Variants in TMEM128 observed in about 807,000 individuals in gnomAD.
The protein encoded by TMEM128 is transmembrane protein 128.
TMEM128 carries 16 observed loss-of-function variants against 19.7 expected under a neutral mutation model. The observed-to-expected ratio is 0.81, with a 90% CI of 0.55 to 1.23. The LOEUF (loss-of-function observed/expected upper bound fraction) is 1.23. Among genes scored for constraint, TMEM128 ranks in the 50% most tolerant of loss-of-function variants. TMEM128 has a pLI of 0.00. For synonymous variants in TMEM128, 98 were observed against 75.8 expected, an observed-to-expected ratio of 1.29 and a Z score of -1.52; for missense variants, 237 against 200.8, an observed-to-expected ratio of 1.18 and a Z score of -1.09.
intron 2 of TMEM128, among the ~76,000 whole-genome samples, chr4:4,242,788 G>A (rs1175031285): frequency 1.3e-5 from 2 of 152,034 alleles, no homozygotes; most frequent in East Asian, 1.9e-4. Context: ...CAAAGTGCTC[G>A]GATTACAGGC....
At chr4:4,238,090 G>A (rs1488287160) in intron 3 of TMEM128, among the ~76,000 whole-genome samples, 155 bp from the exon 4 acceptor site, 2 of 152,226 alleles carry the variant, frequency 1.3e-5, no homozygotes, top group Admixed American at 6.5e-5. Context: ...CTTAGCCAAT[G>A]CTGGAAAGGA....
chr4:4,243,223 G>A (rs1412068246), intron 2 of TMEM128, among the ~76,000 whole-genome samples: 1 of 152,132 alleles, frequency 6.6e-6, no homozygotes, highest in Non-Finnish European at 1.5e-5. Flanking sequence ...GGGACTACAG[G>A]CGCCCGCCAC....
intron 1 of TMEM128, chr4:4,247,851 T>TA: frequency 7.0e-7 from 1 of 1,430,978 alleles, no homozygotes; most frequent in Non-Finnish European, 9.1e-7. Context: ...CCTTAAGACT[T>TA]AAAACTGGTG....
chr4:4,247,401 AG>A (rs1490492667), intron 1 of TMEM128, among the ~76,000 whole-genome samples: 1 of 152,174 alleles, frequency 6.6e-6, no homozygotes, highest in African/African-American at 2.4e-5. Context: ...CCTGGGCATG[AG>A]GTTATTCGTG....
At chr4:4,247,296 C>T (rs575336359) in intron 1 of TMEM128, among the ~76,000 whole-genome samples, 2 of 152,302 alleles carry the variant, frequency 1.3e-5, no homozygotes, top group African/African-American at 4.8e-5. Flanking sequence ...CAATGGTCCA[C>T]ATCTGAGGTT....
Position 4,240,430 on chromosome 4 carries a change from A to C in TMEM128, c.289T>G (p.Phe97Val). The C allele has an allele frequency of 1.2e-6, 2 of 1,613,958 alleles. No individual in the cohort carries two copies. The highest frequency in any genetic ancestry group is 1.7e-6 in the Non-Finnish European group (2 of 1,179,854). ...ALLLVSLSIA[F>V]YCIVYLEWYC... The stretch of plus-strand genomic sequence containing the variant: ...CATTCCAGGTAGACTATGCAGTAAA[A>C]TGCAATTGATAAACTGACAAGCAAC... Residue 97 changes from phenylalanine (F) to valine (V), a missense_variant, in exon 3 of 5, where the codon TTT becomes GTT. Physicochemically the swap from Phe to Val is conservative, Grantham distance 50. Transcript: ENST00000382753.
Position 4,247,939 on chromosome 4 carries a change from T to G in TMEM128, c.97+167A>C, listed in dbSNP as rs538960352. On this transcript the variant is annotated intron_variant, in intron 1 of 4. Transcript: ENST00000382753. ...AGAGAATTCTGAAGCGCAGCTGAAA[T>G]GACGATGCACAGCACTCCGCGATTC... 3.5e-6 allele frequency: 5 copies of G among 1,431,230 alleles called. No individual in the cohort carries two copies. In the South Asian group the frequency reaches 4.5e-5, roughly 13 times the overall value. The allele number at this position is 1,431,230 out of a possible 1,614,324, so 88.7% of individuals were successfully genotyped here.
intron 2 of TMEM128, among the ~76,000 whole-genome samples, chr4:4,244,903 G>A (rs554004587): frequency 6.6e-6 from 1 of 152,154 alleles, no homozygotes; most frequent in Admixed American, 6.5e-5. Flanking sequence ...GGAGTGTTTA[G>A]GGAAAGTTTC....
chr4:4,241,961 G>A (rs1328426429), intron 2 of TMEM128, among the ~76,000 whole-genome samples: 1 of 152,152 alleles, frequency 6.6e-6, no homozygotes, highest in Non-Finnish European at 1.5e-5. Context: ...GGAGTGCAGT[G>A]CTGCAATCTC....
chr4:4,240,207 A>G lies in TMEM128; in HGVS notation c.398+114T>C, dbSNP rs911234900. ...ACCAGAGAGCATGAATGACCAGGAG[A>G]CTATTTTTCTGTTTTAACTTTTTTT... On this transcript the variant is annotated intron_variant, in intron 3 of 4. Transcript: ENST00000382753. The G allele has an allele frequency of 4.0e-5, 39 of 972,574 alleles. No individual in the cohort carries two copies. The African/African-American group carries it at 6.1e-4, about 15-fold the overall frequency. The allele number at this position is 972,574 out of a possible 1,614,324, so 60.2% of individuals were successfully genotyped here.
At chr4:4,241,683 G>C (rs1216792277) in intron 2 of TMEM128, among the ~76,000 whole-genome samples, 1 of 152,188 alleles carries the variant, frequency 6.6e-6, no homozygotes, top group Non-Finnish European at 1.5e-5. Flanking sequence ...AAGGGGTTAA[G>C]AGCACAGCCT....
At chr4:4,244,314 A>C (rs1718083234) in intron 2 of TMEM128, among the ~76,000 whole-genome samples, 1 of 152,022 alleles carries the variant, frequency 6.6e-6, no homozygotes, top group African/African-American at 2.4e-5. Flanking sequence ...CGTCTCTACA[A>C]AAAATAAACC....
At chr4:4,238,748 A>G (rs1484120331) in intron 3 of TMEM128, among the ~76,000 whole-genome samples, 3 of 152,214 alleles carry the variant, frequency 2.0e-5, no homozygotes, top group Admixed American at 1.3e-4. Context: ...TAAAAATTCA[A>G]TTAGGCCGGG....
Position 4,236,022 on chromosome 4 carries a change from A to C in TMEM128, c.*244T>G, listed in dbSNP as rs1252783882. Reference sequence around the variant, plus strand: ...TTCAACAACAGTTATACAAAGTCACAATTTTCCCCAGGAAACCATTCACTT... The same window carrying C: ...TTCAACAACAGTTATACAAAGTCACCATTTTCCCCAGGAAACCATTCACTT... On this transcript the variant is annotated 3_prime_UTR_variant, in exon 5 of 5. Transcript: ENST00000382753. The C allele has an allele frequency of 9.9e-5, 15 of 152,254 alleles. No individual in the cohort carries two copies. The highest frequency in any genetic ancestry group is 2.2e-4 in the Non-Finnish European group (15 of 68,048). The allele number at this position is 152,254 out of a possible 1,614,324, so 9.4% of individuals were successfully genotyped here.
chr4:4,242,647 C>T (rs7675858), intron 2 of TMEM128, among the ~76,000 whole-genome samples: 47,446 of 151,608 alleles, frequency 0.31, 8,015 homozygotes, highest in East Asian at 0.46. Flanking sequence ...GCCTCCTGAG[C>T]AGCTGATATT....
At position 4,245,352 on chromosome 4, in the gene TMEM128, C is replaced by T. The variant is rs1045108643; in HGVS notation, c.239+850G>A. 3.9e-5 allele frequency among the ~76,000 whole-genome samples: 6 copies of T among 152,262 alleles called. No homozygotes were observed. The South Asian group carries it at 1.2e-3, about 32-fold the overall frequency. ...ACATCTGGTCTGGCCACAAAGCTGTCACTCCTCCCACTGTGGACCTTCACC... is the reference window on the plus strand; with the variant it reads ...ACATCTGGTCTGGCCACAAAGCTGTTACTCCTCCCACTGTGGACCTTCACC... On this transcript the variant is annotated intron_variant, in intron 2 of 4. Coordinates refer to ENST00000382753, the MANE Select transcript of TMEM128 (RefSeq NM_001297551.2).
intron 2 of TMEM128, among the ~76,000 whole-genome samples, chr4:4,245,440 A>C (rs1484532572): frequency 6.6e-6 from 1 of 151,780 alleles, no homozygotes; most frequent in African/African-American, 2.4e-5. Flanking sequence ...TCTGAAACCA[A>C]CCCTGAGACC....
intron 3 of TMEM128, 54 bp from the exon 4 acceptor site, chr4:4,237,989 T>G (rs1717795502): frequency 8.7e-7 from 1 of 1,145,324 alleles, no homozygotes; most frequent in Non-Finnish European, 1.2e-6. Flanking sequence ...TCAATATATT[T>G]TATTCTAGAA....
intron 2 of TMEM128, among the ~76,000 whole-genome samples, chr4:4,245,722 T>C (rs1490911510): frequency 6.6e-6 from 1 of 152,168 alleles, no homozygotes; most frequent in East Asian, 1.9e-4. Context: ...TAAAATTTTA[T>C]ATATTCAAGG....
Sources: allele counts gnomAD v4.1 joint callset (sites outside exome capture counted in the v4.1 genomes callset), GRCh38; gene constraint gnomAD v4.1.1; transcripts MANE v1.5; gene names NCBI Gene and HGNC (gene_info 2026-07-23, HGNC 2026-07-21).